Variants in CDH9 observed in about 807,000 individuals in gnomAD.
CDH9 encodes cadherin 9, also known as cadherin-9.
Under a neutral mutation model 70.9 loss-of-function variants are expected in CDH9, and 28 were observed. The observed-to-expected ratio is 0.40, with a 90% CI of 0.29 to 0.54. The LOEUF is 0.54. Ranked by LOEUF, CDH9 falls within the 20% of genes least tolerant of loss-of-function variation. The pLI is 0.59. For synonymous variants in CDH9, 409 were observed against 343.1 expected, an observed-to-expected ratio of 1.19 and a Z score of -2.12; for missense variants, 874 against 984.4, an observed-to-expected ratio of 0.89 and a Z score of 1.50.
At chr5:26,924,270 A>T (rs919237428) in intron 2 of CDH9, among the ~76,000 whole-genome samples, 2 of 151,996 alleles carry the variant, frequency 1.3e-5, no homozygotes, top group Non-Finnish European at 2.9e-5. Flanking sequence ...AAGAGCAATT[A>T]TGTGCCAATA....
chr5:26,939,136 C>T (rs138818402), intron 2 of CDH9, among the ~76,000 whole-genome samples: 1 of 151,708 alleles, frequency 6.6e-6, no homozygotes, highest in Admixed American at 6.6e-5. Flanking sequence ...GTAAATATGT[C>T]GATTCTCCCA....
At position 26,977,487 on chromosome 5, in the gene CDH9, A is replaced by G. The variant is rs201876293; in HGVS notation, c.228+10619T>C. On this transcript the variant is annotated intron_variant, in intron 2 of 11. Coordinates refer to ENST00000231021, the MANE Select transcript of CDH9 (RefSeq NM_016279.4). ...TATATGTGTGCGTGTGTGTGTGTGTATATATATATATATATATATATGGCA... is the reference window on the plus strand; with the variant it reads ...TATATGTGTGCGTGTGTGTGTGTGTGTATATATATATATATATATATGGCA... Among the ~76,000 whole-genome samples, 532 of 102,762 alleles carry G rather than the reference A, an allele frequency of 5.2e-3. 1 individual carries two copies. Among genetic ancestry groups the G allele is most frequent in the Middle Eastern group, 0.013 (3 of 236 alleles). 67.4% of individuals were successfully genotyped at this position (102,762 alleles called of 152,430 possible).
At chr5:26,920,263 A>G (rs1232142508) in intron 2 of CDH9, among the ~76,000 whole-genome samples, 1 of 151,648 alleles carries the variant, frequency 6.6e-6, no homozygotes, top group Non-Finnish European at 1.5e-5. Context: ...GTATGGTTAC[A>G]GGGAAAGACT....
chr5:26,958,981 A>G lies in CDH9; in HGVS notation c.228+29125T>C, dbSNP rs1741990300. On this transcript the variant is annotated intron_variant, in intron 2 of 11. Transcript: ENST00000231021. ...ATTCTTAGTATGATGTCAAAAACACAAACAACAAAAGACAATATAGGTAAA... is the reference window on the plus strand; with the variant it reads ...ATTCTTAGTATGATGTCAAAAACACGAACAACAAAAGACAATATAGGTAAA... 3.9e-5 allele frequency among the ~76,000 whole-genome samples: 6 copies of G among 152,182 alleles called. No homozygotes were observed. The South Asian group carries it at 1.2e-3, about 31-fold the overall frequency.
intron 9 of CDH9, among the ~76,000 whole-genome samples, chr5:26,887,131 A>G: frequency 6.6e-6 from 1 of 152,084 alleles, no homozygotes; most frequent in Non-Finnish European, 1.5e-5. Context: ...TGACAGCATG[A>G]TATGTAACTG....
chr5:26,929,061 A>T (rs1338573326), intron 2 of CDH9, among the ~76,000 whole-genome samples: 1 of 152,004 alleles, frequency 6.6e-6, no homozygotes, highest in African/African-American at 2.4e-5. Context: ...AGACAACCTA[A>T]AGAATGAGAA....
intron 1 of CDH9, among the ~76,000 whole-genome samples, chr5:27,006,578 G>A (rs76795018): frequency 0.025 from 3,753 of 152,166 alleles, 165 homozygotes; most frequent in African/African-American, 0.086. Flanking sequence ...TTTCTTCAGG[G>A]CCAGGATGTG....
At chr5:27,029,138 C>T (rs894308679) in intron 1 of CDH9, among the ~76,000 whole-genome samples, 8 of 151,182 alleles carry the variant, frequency 5.3e-5, no homozygotes, top group Admixed American at 2.0e-4. Context: ...TTTTTCTATA[C>T]GAAGCTTTTG....
At chr5:26,970,000 C>T (rs1194794990) in intron 2 of CDH9, among the ~76,000 whole-genome samples, 1 of 150,442 alleles carries the variant, frequency 6.6e-6, no homozygotes, top group African/African-American at 2.4e-5. Context: ...CTCAATACTT[C>T]TTTATACCAA....
At chr5:26,934,997 T>G (rs751131686) in intron 2 of CDH9, among the ~76,000 whole-genome samples, 7 of 151,560 alleles carry the variant, frequency 4.6e-5, no homozygotes, top group African/African-American at 1.5e-4. Flanking sequence ...CAAAATAAAT[T>G]ATCAGATATA....
chr5:26,902,777 A>T, intron 6 of CDH9, 48 bp from the exon 7 acceptor site: 2 of 1,113,534 alleles, frequency 1.8e-6, no homozygotes, highest in South Asian at 2.8e-5. Flanking sequence ...AGAAGATATG[A>T]CAATGAAAGA....
chr5:26,938,508 G>T (rs965586106), intron 2 of CDH9, among the ~76,000 whole-genome samples: 8 of 151,906 alleles, frequency 5.3e-5, no homozygotes, highest in Admixed American at 2.0e-4. Context: ...TAAAAATCGG[G>T]TGTGCAAAAT....
chr5:27,028,571 C>G (rs977939988), intron 1 of CDH9, among the ~76,000 whole-genome samples: 8 of 151,950 alleles, frequency 5.3e-5, no homozygotes, highest in Non-Finnish European at 1.2e-4. Context: ...AAGGACAAGT[C>G]TTTTCCACAA....
intron 3 of CDH9, among the ~76,000 whole-genome samples, chr5:26,912,448 CTTTT>C (rs1741070288): frequency 6.6e-6 from 1 of 151,024 alleles, no homozygotes; most frequent in African/African-American, 2.4e-5. Flanking sequence ...AATATATCTA[CTTTT>C]TATTTAGACA....
At position 26,888,826 on chromosome 5, in the gene CDH9, T is replaced by C. The variant is rs180989794; in HGVS notation, c.1512+1010A>G. ...TACCTTCTCCCTGAGTGCTCTCATATGGCTTTTCCTTGGCCCACGAATTCA... is the reference window on the plus strand; with the variant it reads ...TACCTTCTCCCTGAGTGCTCTCATACGGCTTTTCCTTGGCCCACGAATTCA... On this transcript the variant is annotated intron_variant, in intron 9 of 11. Transcript: ENST00000231021. Among the ~76,000 whole-genome samples the C allele has an allele frequency of 9.2e-5, 14 of 152,288 alleles. No individual in the cohort carries two copies. The East Asian group carries it at 1.2e-3, about 13-fold the overall frequency.
Position 26,906,090 on chromosome 5 carries a change from T to C in CDH9, c.680A>G (p.Glu227Gly). ...AACAACCTGGTACTGCTCTCTATTTTCTCTGCTCATGTCTGGTAATGCAGT... is the reference window on the plus strand; with the variant it reads ...AACAACCTGGTACTGCTCTCTATTTCCTCTGCTCATGTCTGGTAATGCAGT... ...IKTALPDMSR[E>G]NREQYQVVIQ... The change falls in exon 5 of 12, where the codon GAA becomes GGA. Residue 227 changes from glutamate (E) to glycine (G), a missense_variant. Transcript: ENST00000231021. 6.2e-7 allele frequency: 1 copy of C among 1,613,770 alleles called. No homozygotes were observed. The highest frequency in any genetic ancestry group is 8.5e-7 in the Non-Finnish European group (1 of 1,179,744).
chr5:26,957,938 AAGTT>A (rs1741973637), intron 2 of CDH9, among the ~76,000 whole-genome samples: 2 of 152,322 alleles, frequency 1.3e-5, no homozygotes, highest in Admixed American at 1.3e-4. Flanking sequence ...GAAGCAAACA[AAGTT>A]AGTCTCCCAT....
chr5:26,951,657 T>C (rs1284820063), intron 2 of CDH9, among the ~76,000 whole-genome samples: 1 of 152,182 alleles, frequency 6.6e-6, no homozygotes. Flanking sequence ...ACACAGAATA[T>C]TCTGAGTTTT....
At position 26,902,747 on chromosome 5, in the gene CDH9, A is replaced by G; in HGVS notation, c.1000-18T>C. The G allele has an allele frequency of 7.1e-7, 1 of 1,418,304 alleles. No homozygotes were observed. The highest frequency in any genetic ancestry group is 9.9e-7 in the Non-Finnish European group (1 of 1,010,292). The allele number at this position is 1,418,304 out of a possible 1,614,324, so 87.9% of individuals were successfully genotyped here. A position where few individuals can be genotyped will look rare whatever the true frequency, so the allele number is the denominator to read the frequency against. On this transcript the variant is annotated intron_variant, in intron 6 of 11. Transcript: ENST00000231021. Reference sequence around the variant, plus strand: ...TCTAAATTCTGGAGTTAAATAACATAAAAGAAATTAGCATAATTCAGAAGA... The same window carrying G: ...TCTAAATTCTGGAGTTAAATAACATGAAAGAAATTAGCATAATTCAGAAGA...
Sources: allele counts gnomAD v4.1 joint callset (sites outside exome capture counted in the v4.1 genomes callset), GRCh38; gene constraint gnomAD v4.1.1; transcripts MANE v1.5; gene names NCBI Gene and HGNC (gene_info 2026-07-23, HGNC 2026-07-21).